Variants in PLEKHH1 observed in about 807,000 individuals in gnomAD.
PLEKHH1 encodes pleckstrin homology domain-containing family H member 1.
PLEKHH1 carries 104 observed loss-of-function variants against 160.0 expected under a neutral mutation model. The observed-to-expected ratio is 0.65, with a 90% CI of 0.55 to 0.76. The LOEUF is 0.76. Ranked by LOEUF, PLEKHH1 falls within the 30% of genes least tolerant of loss-of-function variation. The probability of loss-of-function intolerance (pLI) is 0.00; values close to 1 mark genes in which losing one functional copy is unlikely to be tolerated. For synonymous variants in PLEKHH1, 619 were observed against 678.4 expected, an observed-to-expected ratio of 0.91 and a Z score of 1.36; for missense variants, 1,427 against 1,724.1, an observed-to-expected ratio of 0.83 and a Z score of 3.05.
At chr14:67,571,317 C>T (rs2035363399) in intron 9 of PLEKHH1, 1 of 163,636 alleles carries the variant, frequency 6.1e-6, no homozygotes, top group South Asian at 1.7e-4. Context: ...TTTTTTCCCC[C>T]ATCTTCTCCC....
chr14:67,560,511 A>G (rs2140411767), intron 5 of PLEKHH1, among the ~76,000 whole-genome samples: 1 of 152,264 alleles, frequency 6.6e-6, no homozygotes, highest in African/African-American at 2.4e-5. Flanking sequence ...TGTACCTGCT[A>G]AACACTAACT....
chr14:67,555,682 C>G lies in PLEKHH1; in HGVS notation c.127-143C>G, dbSNP rs555257191. The G allele has an allele frequency of 4.0e-3, 4,805 of 1,208,556 alleles. 17 individuals are homozygous for G. Among genetic ancestry groups the G allele is most frequent in the Non-Finnish European group, 5.0e-3 (4,312 of 866,478 alleles). 74.9% of individuals were successfully genotyped at this position (1,208,556 alleles called of 1,614,324 possible). ...TGAGAGTTGCCTTGAAAATCCTTAC[C>G]CTGACACTCTCGAGCCACTTGAGAT... On this transcript the variant is annotated intron_variant, in intron 2 of 28. Transcript: ENST00000329153.
chr14:67,560,119 C>T (rs1252771282), intron 5 of PLEKHH1, among the ~76,000 whole-genome samples: 1 of 152,282 alleles, frequency 6.6e-6, no homozygotes, highest in East Asian at 1.9e-4. Flanking sequence ...CTCCGCCTCC[C>T]GGGTTCAACC....
At position 67,569,181 on chromosome 14, in the gene PLEKHH1, C is replaced by G; in HGVS notation, c.1307C>G (p.Ser436Ter). 3.7e-6 allele frequency: 6 copies of G among 1,613,268 alleles called. No individual in the cohort carries two copies. Among genetic ancestry groups the G allele is most frequent in the Non-Finnish European group, 5.1e-6 (6 of 1,179,350 alleles). ...YAVATSGMRL[S>*]DMSPRSNTAC... ...GTGGCCACATCGGGCATGCGGCTCT[C>G]AGATATGTCTCCCAGAAGTAATACT... Residue 436 changes from serine (S) to a stop codon, truncating the protein, a stop_gained, in exon 8 of 29, where the codon TCA (serine) becomes TGA (stop). Transcript: ENST00000329153. LOFTEE classifies it high-confidence loss of function.
Position 67,582,355 on chromosome 14 carries a change from G to T in PLEKHH1, c.3426+145G>T. 1 of 1,376,978 alleles carries T rather than the reference G, an allele frequency of 7.3e-7. No individual in the cohort carries two copies. The allele number at this position is 1,376,978 out of a possible 1,614,324, so 85.3% of individuals were successfully genotyped here. On this transcript the variant is annotated intron_variant, in intron 24 of 28. Coordinates refer to ENST00000329153, the MANE Select transcript of PLEKHH1 (RefSeq NM_020715.3). The surrounding 1 kb of genome is among the most constrained non-coding windows in gnomAD (Gnocchi z 5.0). ...GCCATCTCTGGGATGGAAAGCAGCT[G>T]ACTTCTACAGATCAGAGCTCCTCAC...
intron 1 of PLEKHH1, among the ~76,000 whole-genome samples, chr14:67,538,655 C>T (rs1234505130): frequency 6.6e-6 from 1 of 152,134 alleles, no homozygotes; most frequent in Non-Finnish European, 1.5e-5. Flanking sequence ...AGCAGGCACC[C>T]TGCTCCTGAT....
In PLEKHH1 at chr14:67,578,693, G is replaced by A; in HGVS notation, c.2849+62G>A. 2.8e-6 allele frequency: 3 copies of A among 1,061,382 alleles called. No homozygotes were observed. The highest frequency in any genetic ancestry group is 4.0e-5 in the Admixed American group (2 of 50,450). The allele number at this position is 1,061,382 out of a possible 1,614,324, so 65.7% of individuals were successfully genotyped here. On this transcript the variant is annotated intron_variant, in intron 20 of 28. Transcript: ENST00000329153. The surrounding 1 kb of genome is among the most constrained non-coding windows in gnomAD (Gnocchi z 5.0). The stretch of plus-strand genomic sequence containing the variant: ...ACTGCCAACTGCCGCATGAATAAGA[G>A]GGATGAGAGGAGTCTAGGGCAGACC...
intron 28 of PLEKHH1, chr14:67,586,751 C>T: frequency 7.8e-7 from 1 of 1,274,314 alleles, no homozygotes; most frequent in Non-Finnish European, 1.0e-6. Flanking sequence ...AATACCACCC[C>T]TGCTAAAGGG....
chr14:67,580,658 AT>A (rs1365038600), intron 22 of PLEKHH1, among the ~76,000 whole-genome samples: 2 of 152,190 alleles, frequency 1.3e-5, no homozygotes, highest in Non-Finnish European at 2.9e-5. Flanking sequence ...TTCGAAGGCC[AT>A]GGGGCTGCCT....
chr14:67,586,426 G>A, intron 28 of PLEKHH1: 1 of 1,329,480 alleles, frequency 7.5e-7, no homozygotes, highest in Non-Finnish European at 9.9e-7. Flanking sequence ...CCTTGCAGCA[G>A]TCCTCAAGGC....
chr14:67,586,496 T>G (rs1243123657), intron 28 of PLEKHH1: 2 of 1,023,340 alleles, frequency 2.0e-6, no homozygotes, highest in Non-Finnish European at 2.7e-6. Context: ...GACCCAACAT[T>G]AGCTACAAAG....
chr14:67,570,102 G>A (rs2035301904), intron 9 of PLEKHH1, 90 bp downstream of exon 9: 2 of 934,546 alleles, frequency 2.1e-6, no homozygotes, highest in South Asian at 2.8e-5. Context: ...TCTAGGGCCA[G>A]GCTTCTGCAC....
At position 67,539,838 on chromosome 14, in the gene PLEKHH1, A is replaced by G. The variant is rs1326644033; in HGVS notation, c.-34-1996A>G. ...TGTGTGTGGACAACAGTGCTTACCT[A>G]TTGTTTCACAGGTTGTTGTAAGGTT... On this transcript the variant is annotated intron_variant, in intron 1 of 28. Transcript: ENST00000329153. Among the ~76,000 whole-genome samples the G allele has an allele frequency of 3.3e-5, 5 of 152,138 alleles. 1 individual carries two copies. The highest frequency in any genetic ancestry group is 1.9e-4 in the East Asian group (1 of 5,200).
intron 2 of PLEKHH1, among the ~76,000 whole-genome samples, chr14:67,545,284 G>C (rs1329276767): frequency 1.3e-5 from 2 of 152,172 alleles, no homozygotes; most frequent in African/African-American, 4.8e-5. Flanking sequence ...TACAAAGAAG[G>C]TTTGTACATT....
intron 22 of PLEKHH1, 117 bp from the exon 23 acceptor site, chr14:67,580,821 G>A (rs1286576223): frequency 3.0e-6 from 2 of 665,978 alleles, no homozygotes; most frequent in Non-Finnish European, 2.6e-6. Context: ...CCTCCTGGTG[G>A]GAGGACTTTT....
intron 2 of PLEKHH1, among the ~76,000 whole-genome samples, chr14:67,555,528 T>G (rs1252203235): frequency 6.6e-6 from 1 of 152,060 alleles, no homozygotes; most frequent in African/African-American, 2.4e-5. Flanking sequence ...TCAGGAAGAA[T>G]GACAGTGGAG....
intron 2 of PLEKHH1, among the ~76,000 whole-genome samples, chr14:67,542,920 G>A (rs970947245): frequency 2.0e-5 from 3 of 152,000 alleles, no homozygotes; most frequent in African/African-American, 4.8e-5. Flanking sequence ...GGCTGGTCTC[G>A]AACTCCCAAC....
At chr14:67,559,805 C>A in intron 5 of PLEKHH1, 114 bp downstream of exon 5, 2 of 684,366 alleles carry the variant, frequency 2.9e-6, no homozygotes, top group South Asian at 3.2e-5. Flanking sequence ...TTCATTCTGT[C>A]CAGCACTTGT....
At chr14:67,581,274 GCACACA>G (rs71129838) in intron 23 of PLEKHH1, among the ~76,000 whole-genome samples, 4 of 148,084 alleles carry the variant, frequency 2.7e-5, no homozygotes, top group South Asian at 2.2e-4. Context: ...GTGTGTATAT[GCACACA>G]CACACACACA....
Sources: allele counts gnomAD v4.1 joint callset (sites outside exome capture counted in the v4.1 genomes callset), GRCh38; gene constraint gnomAD v4.1.1; non-coding constraint Gnocchi (gnomAD v3.1); transcripts MANE v1.5; gene names NCBI Gene and HGNC (gene_info 2026-07-23, HGNC 2026-07-21).